The following PCDH15 variants were observed in gnomAD, a reference collection of about 807,000 sequenced individuals.
PCDH15 encodes the protein protocadherin-15.
A neutral mutation model predicts 178.5 loss-of-function variants in PCDH15; 129 were observed. That is an observed-to-expected ratio of 0.72 (90% CI 0.63 to 0.84). The LOEUF (loss-of-function observed/expected upper bound fraction) is 0.84, where lower values mean the gene tolerates loss of function less well. Among genes scored for constraint, PCDH15 ranks in the 40% least tolerant of loss-of-function variants. PCDH15 has a pLI of 0.00. For synonymous variants in PCDH15, 800 were observed against 732.0 expected (o/e 1.09, Z -1.50); for missense variants, 2,230 against 2,099.9 (o/e 1.06, Z -1.21).
chr10:53,942,365 G>T (rs1232972844), intron 23 of PCDH15, among the ~76,000 whole-genome samples: 1 of 152,062 alleles, frequency 6.6e-6, no homozygotes, highest in Non-Finnish European at 1.5e-5. Flanking sequence ...CTGTACAAGT[G>T]CTTTGGGTAA....
chr10:54,592,410 T>G (rs1326040614), intron 2 of PCDH15, among the ~76,000 whole-genome samples: 1 of 151,684 alleles, frequency 6.6e-6, no homozygotes, highest in African/African-American at 2.4e-5. Flanking sequence ...CAAGTAAAAA[T>G]GAACATATTT....
intron 3 of PCDH15, among the ~76,000 whole-genome samples, chr10:54,428,145 C>T (rs891883117): frequency 1.3e-5 from 2 of 152,272 alleles, no homozygotes; most frequent in East Asian, 3.9e-4. Context: ...AGCAGCTGAC[C>T]ATTCACATCT....
intron 11 of PCDH15, among the ~76,000 whole-genome samples, chr10:54,192,114 AAAAAAG>A (rs2049072317): frequency 1.5e-5 from 2 of 133,466 alleles, no homozygotes; most frequent in South Asian, 5.0e-4. Flanking sequence ...AAAGAAAAAA[AAAAAAG>A]AAAGAAAGAA....
intron 2 of PCDH15, among the ~76,000 whole-genome samples, chr10:55,547,553 A>C (rs557795177): frequency 6.6e-6 from 1 of 151,958 alleles, no homozygotes; most frequent in South Asian, 2.1e-4. Flanking sequence ...ATTAATCACA[A>C]ATTGTTTTCA....
At chr10:54,422,334 C>T (rs1386096895) in intron 3 of PCDH15, among the ~76,000 whole-genome samples, 3 of 152,024 alleles carry the variant, frequency 2.0e-5, no homozygotes, top group Non-Finnish European at 2.9e-5. Flanking sequence ...GGAATTATAG[C>T]CTACCCTATT....
intron 25 of PCDH15, among the ~76,000 whole-genome samples, chr10:53,924,264 C>G (rs1021666512): frequency 6.6e-6 from 1 of 152,216 alleles, no homozygotes; most frequent in East Asian, 1.9e-4. Context: ...TTGGTGGACT[C>G]CGCACTCAGA....
intron 6 of PCDH15, among the ~76,000 whole-genome samples, chr10:54,332,124 C>T (rs1359179239): frequency 6.7e-6 from 1 of 148,422 alleles, no homozygotes; most frequent in African/African-American, 2.5e-5. Flanking sequence ...TCTGTGTTGT[C>T]TTTGAGTTGC....
intron 2 of PCDH15, among the ~76,000 whole-genome samples, chr10:55,405,782 G>A (rs1199456745): frequency 1.3e-5 from 2 of 151,806 alleles, no homozygotes; most frequent in African/African-American, 2.4e-5. Flanking sequence ...AGAATTCCAT[G>A]CCATTATGGA....
Position 54,492,452 on chromosome 10 carries a change from C to T in PCDH15, c.157+35360G>A, listed in dbSNP as rs117325591. 1.2e-4 allele frequency among the ~76,000 whole-genome samples: 18 copies of T among 152,202 alleles called. No individual in the cohort carries two copies. In the East Asian group the frequency reaches 2.3e-3, roughly 20 times the overall value. On this transcript the variant is annotated intron_variant, in intron 3 of 37. Transcript: ENST00000644397. ...ATAGTAGTTACTGTCTTTGGCTGTC[C>T]GTAATTTATTATGTTGCTACTTCTT...
At chr10:55,336,454 C>T (rs1368043872) in intron 2 of PCDH15, among the ~76,000 whole-genome samples, 7 of 152,084 alleles carry the variant, frequency 4.6e-5, no homozygotes, top group African/African-American at 1.7e-4. Flanking sequence ...GCCAAGGTCA[C>T]ACCACTGCAC....
intron 9 of PCDH15, among the ~76,000 whole-genome samples, chr10:54,219,274 CAAAAAAAA>C (rs995053736): frequency 4.4e-5 from 2 of 45,186 alleles, no homozygotes; most frequent in African/African-American, 1.7e-4. Context: ...GACTTTGTCT[CAAAAAAAA>C]AAAAAAAAAA....
chr10:53,997,701 C>A (rs2091921621), intron 20 of PCDH15, among the ~76,000 whole-genome samples: 1 of 152,118 alleles, frequency 6.6e-6, no homozygotes, highest in South Asian at 2.1e-4. Context: ...GGGAAGTATT[C>A]ATTGGATTCA....
chr10:54,793,349 C>T (rs897700597), intron 1 of PCDH15, among the ~76,000 whole-genome samples: 2 of 151,776 alleles, frequency 1.3e-5, no homozygotes, highest in Admixed American at 1.3e-4. Context: ...TATACACCCA[C>T]CCAGAGGCAA....
intron 2 of PCDH15, among the ~76,000 whole-genome samples, chr10:54,572,363 A>G (rs1325376274): frequency 1.3e-5 from 2 of 152,118 alleles, no homozygotes; most frequent in African/African-American, 4.8e-5. Context: ...GGAGAATCAC[A>G]AAGAGCTGAC....
chr10:54,266,021 T>C (rs988710611), intron 8 of PCDH15, among the ~76,000 whole-genome samples: 4 of 150,178 alleles, frequency 2.7e-5, no homozygotes, highest in African/African-American at 9.8e-5. Flanking sequence ...AGTGATCACA[T>C]ATGCAGTCAT....
chr10:54,877,748 T>C (rs1430614241), intron 3 of PCDH15, among the ~76,000 whole-genome samples: 5 of 152,072 alleles, frequency 3.3e-5, no homozygotes. Context: ...GTTTATATAG[T>C]TTATATCCCT....
At chr10:54,446,111 T>G (rs2076128042) in intron 3 of PCDH15, among the ~76,000 whole-genome samples, 1 of 151,550 alleles carries the variant, frequency 6.6e-6, no homozygotes. Flanking sequence ...CTCCTCTGAT[T>G]CTTCTTAGGC....
chr10:54,946,939 A>G (rs1465723034), intron 2 of PCDH15, among the ~76,000 whole-genome samples: 1 of 151,930 alleles, frequency 6.6e-6, no homozygotes. Flanking sequence ...AATAAGGTAC[A>G]TCTGTATTAG....
rs1841038730 is a variant in PCDH15 at position 53,804,510 on chromosome 10, A to G, written c.*2069T>C. 6.6e-6 allele frequency: 1 copy of G among 151,974 alleles called. No homozygotes were observed. Among genetic ancestry groups the G allele is most frequent in the Non-Finnish European group, 1.5e-5 (1 of 67,922 alleles). The allele number at this position is 151,974 out of a possible 1,614,324, so 9.4% of individuals were successfully genotyped here. A position where few individuals can be genotyped will look rare whatever the true frequency, so the allele number is the denominator to read the frequency against. ...CAAACTTTCCCATCAGGATACTAGAAGCTATAAACTGAAAGAAAAAAATGT... is the reference window on the plus strand; with the variant it reads ...CAAACTTTCCCATCAGGATACTAGAGGCTATAAACTGAAAGAAAAAAATGT... On this transcript the variant is annotated 3_prime_UTR_variant, in exon 38 of 38. Coordinates refer to ENST00000644397, the MANE Select transcript of PCDH15 (RefSeq NM_001384140.1).
Sources: gnomAD v4.1 joint callset for allele counts (sites outside exome capture counted in the v4.1 genomes callset) on GRCh38, gnomAD v4.1.1 for gene constraint, MANE v1.5 for transcripts, NCBI Gene and HGNC (gene_info 2026-07-23, HGNC 2026-07-21) for gene names.